OPA3: variants seen among roughly 807,000 people sequenced by gnomAD.
OPA3 encodes the protein outer mitochondrial membrane lipid metabolism regulator OPA3.
Under a neutral mutation model 4.0 loss-of-function variants are expected in OPA3, and 6 were observed. The observed-to-expected ratio is 1.51, with a 90% CI of 0.83 to 2.99. The LOEUF (loss-of-function observed/expected upper bound fraction) is 2.99. Ranked by LOEUF, OPA3 falls within the 30% of genes most tolerant of loss-of-function variation. The pLI is 0.00. For missense variants in OPA3, 235 were observed against 256.2 expected, an observed-to-expected ratio of 0.92 and a Z score of 0.56; for synonymous variants, 105 against 117.1, an observed-to-expected ratio of 0.90 and a Z score of 0.67.
At chr19:45,583,506 C>A (rs2122526190) in intron 1 of OPA3, among the ~76,000 whole-genome samples, 1 of 151,260 alleles carries the variant, frequency 6.6e-6, no homozygotes, top group Non-Finnish European at 1.5e-5. Context: ...CCCTTTATTT[C>A]TATTTATTAT....
chr19:45,577,903 C>T (rs1385406770), intron 1 of OPA3, among the ~76,000 whole-genome samples: 1 of 152,226 alleles, frequency 6.6e-6, no homozygotes, highest in Non-Finnish European at 1.5e-5. Context: ...GGCAGGGATA[C>T]TATTCTAGAG....
chr19:45,542,194 C>T (rs1479495190), downstream of OPA3, among the ~76,000 whole-genome samples: 1 of 152,182 alleles, frequency 6.6e-6, no homozygotes, highest in African/African-American at 2.4e-5. Context: ...ATGAAGACCA[C>T]CCCAGGGTGA....
At chr19:45,542,399 C>T (rs1034290182), downstream of OPA3, among the ~76,000 whole-genome samples, 9 of 152,158 alleles carry the variant, frequency 5.9e-5, no homozygotes, top group Non-Finnish European at 1.2e-4. Context: ...TGGGCTTACA[C>T]GAACCTAGAT....
Position 45,551,083 on chromosome 19 carries a change from C to T in OPA3, c.*2431G>A, listed in dbSNP as rs969963377. 10 of 352,974 alleles carry T rather than the reference C, an allele frequency of 2.8e-5. No homozygotes were observed. The highest frequency in any genetic ancestry group is 2.2e-4 in the African/African-American group (10 of 45,084). The allele number at this position is 352,974 out of a possible 1,614,324, so 21.9% of individuals were successfully genotyped here. A position where few individuals can be genotyped will look rare whatever the true frequency, so the allele number is the denominator to read the frequency against. The stretch of plus-strand genomic sequence containing the variant: ...TCAGGTGATCCTCCTGCCTCAGCCT[C>T]CCAAGTAGCTGGGACTACAGGCATG... On this transcript the variant is annotated 3_prime_UTR_variant, in exon 2 of 2. Coordinates refer to ENST00000263275, the MANE Select transcript of OPA3 (RefSeq NM_025136.4).
chr19:45,568,064 T>C (rs1969609181), intron 1 of OPA3, among the ~76,000 whole-genome samples: 1 of 152,238 alleles, frequency 6.6e-6, no homozygotes, highest in South Asian at 2.1e-4. Context: ...ACTGGTACGA[T>C]CTCAGCTCAC....
At chr19:45,582,409 C>T (rs1031102077) in intron 1 of OPA3, among the ~76,000 whole-genome samples, 1 of 152,158 alleles carries the variant, frequency 6.6e-6, no homozygotes, top group Non-Finnish European at 1.5e-5. Context: ...CTCCACCCCC[C>T]TCAGCCTTCC....
intron 1 of OPA3, among the ~76,000 whole-genome samples, chr19:45,554,502 G>T (rs1476821772): frequency 6.6e-6 from 1 of 152,228 alleles, no homozygotes; most frequent in Non-Finnish European, 1.5e-5. Context: ...GAGGTTTTGG[G>T]CACATACCTT....
intron 1 of OPA3, chr19:45,584,223 C>T (rs1475483360): frequency 2.0e-6 from 1 of 490,926 alleles, no homozygotes; most frequent in Non-Finnish European, 2.6e-6. Flanking sequence ...CACGGTGCCG[C>T]TTTTGAAATG....
chr19:45,537,687 C>T (rs1243509003), intron 1 of OPA3, among the ~76,000 whole-genome samples: 1 of 151,884 alleles, frequency 6.6e-6, no homozygotes, highest in Non-Finnish European at 1.5e-5. Context: ...GGCTGGAGTG[C>T]AGTGGTGCGA....
chr19:45,577,567 G>A (rs542037440), intron 1 of OPA3, among the ~76,000 whole-genome samples: 2 of 152,234 alleles, frequency 1.3e-5, no homozygotes, highest in East Asian at 1.9e-4. Flanking sequence ...TCCTCCAGTC[G>A]GCTGTCTCAC....
intron 1 of OPA3, among the ~76,000 whole-genome samples, chr19:45,567,036 TAAAC>T (rs977880799): frequency 5.9e-5 from 9 of 152,006 alleles, no homozygotes; most frequent in African/African-American, 2.2e-4. Flanking sequence ...TTAAGAGTAA[TAAAC>T]AAAATAACAA....
At chr19:45,554,133 G>C (rs913604771) in intron 1 of OPA3, among the ~76,000 whole-genome samples, 9 of 152,188 alleles carry the variant, frequency 5.9e-5, no homozygotes, top group African/African-American at 2.2e-4. Flanking sequence ...CTTCCACAGC[G>C]CCAAGTTCAT....
downstream of OPA3, among the ~76,000 whole-genome samples, chr19:45,542,871 C>T (rs1331971710): frequency 6.6e-6 from 1 of 151,814 alleles, no homozygotes; most frequent in Non-Finnish European, 1.5e-5. Flanking sequence ...ACAGGTTTCA[C>T]CATGGTGGCC....
chr19:45,572,560 G>GATATATATCATGATATGTATATAAAT (rs1969694436), intron 1 of OPA3, among the ~76,000 whole-genome samples: 1 of 99,144 alleles, frequency 1.0e-5, no homozygotes, highest in Non-Finnish European at 2.2e-5. Flanking sequence ...ATCATATATG[G>GATATATATCATGATATGTATATAAAT]ATATATATCA....
intron 1 of OPA3, among the ~76,000 whole-genome samples, chr19:45,572,794 T>G (rs544411939): frequency 0.088 from 12,424 of 141,000 alleles, 884 homozygotes; most frequent in East Asian, 0.21. Flanking sequence ...TATATAGATA[T>G]ATATATCATA....
chr19:45,564,165 G>T (rs1260365501), intron 1 of OPA3, among the ~76,000 whole-genome samples: 2 of 151,360 alleles, frequency 1.3e-5, no homozygotes, highest in Admixed American at 1.3e-4. Context: ...GCATCAGGGT[G>T]GGGGTGGGGG....
Position 45,548,430 on chromosome 19 carries a change from T to G in OPA3, c.*5084A>C, listed in dbSNP as rs1331714983. On this transcript the variant is annotated 3_prime_UTR_variant, in exon 2 of 2. Transcript: ENST00000263275. Reference sequence around the variant, plus strand: ...CCAGGGTTTTGTGAGCTGGGATGAATGGGTTTATAGTCCTGAGTCACTCCA... The same window carrying G: ...CCAGGGTTTTGTGAGCTGGGATGAAGGGGTTTATAGTCCTGAGTCACTCCA... 2.0e-6 allele frequency: 2 copies of G among 985,308 alleles called. No individual in the cohort carries two copies. Among genetic ancestry groups the G allele is most frequent in the Non-Finnish European group, 2.4e-6 (2 of 829,990 alleles). The allele number at this position is 985,308 out of a possible 1,614,324, so 61.0% of individuals were successfully genotyped here.
chr19:45,564,508 C>G (rs1969553953), intron 1 of OPA3, among the ~76,000 whole-genome samples: 1 of 152,192 alleles, frequency 6.6e-6, no homozygotes, highest in Non-Finnish European at 1.5e-5. Context: ...TGGCATGGGG[C>G]TGGTGGGCAA....
chr19:45,570,588 G>A (rs144866315), intron 1 of OPA3, among the ~76,000 whole-genome samples: 1,886 of 152,286 alleles, frequency 0.012, 22 homozygotes, highest in Non-Finnish European at 0.018. Flanking sequence ...TTGGGAGGCT[G>A]AGGCAGGAGA....
Sources: gnomAD v4.1 joint callset for allele counts (sites outside exome capture counted in the v4.1 genomes callset) on GRCh38, gnomAD v4.1.1 for gene constraint, MANE v1.5 for transcripts, NCBI Gene and HGNC (gene_info 2026-07-23, HGNC 2026-07-21) for gene names.